The following CACNA1D variants were observed in gnomAD, a reference collection of about 807,000 sequenced individuals.
CACNA1D encodes calcium voltage-gated channel subunit alpha1 D.
CACNA1D carries 55 observed loss-of-function variants against 257.1 expected under a neutral mutation model. The ratio of observed to expected loss-of-function variants is 0.21; its 90% CI spans 0.17 to 0.27. CACNA1D has a LOEUF of 0.27. CACNA1D is among the 10% of genes least tolerant of loss of function. The probability of loss-of-function intolerance (pLI) is 1.00; values close to 1 mark genes in which losing one functional copy is unlikely to be tolerated. For synonymous variants in CACNA1D, 980 were observed against 1,014.9 expected (o/e 0.97, Z 0.65); for missense variants, 1,876 against 2,784.0 (o/e 0.67, Z 7.34).
At chr3:53,583,580 A>G (rs2093166554) in intron 3 of CACNA1D, among the ~76,000 whole-genome samples, 2 of 152,182 alleles carry the variant, frequency 1.3e-5, no homozygotes, top group Admixed American at 1.3e-4. Context: ...TGCTCATCTT[A>G]GGCAGTATAA....
chr3:53,583,840 C>T (rs1448591782), intron 3 of CACNA1D, among the ~76,000 whole-genome samples: 3 of 152,140 alleles, frequency 2.0e-5, no homozygotes, highest in Admixed American at 1.3e-4. Flanking sequence ...TGTTTTATAA[C>T]GTGGTGGGTG....
intron 9 of CACNA1D, among the ~76,000 whole-genome samples, chr3:53,709,020 G>A (rs780068647): frequency 2.6e-5 from 4 of 152,234 alleles, no homozygotes; most frequent in African/African-American, 7.2e-5. Flanking sequence ...TCTACAGCAC[G>A]TGGACCTCTA....
rs906617908 is a variant in CACNA1D at position 53,813,535 on chromosome 3, C to G, written c.*2129C>G. ...CAACATTATCCTGGACTCTGTGTCTCTCTCTGTTGGGTCTTGTGGCATCAC... is the reference window on the plus strand; with the variant it reads ...CAACATTATCCTGGACTCTGTGTCTGTCTCTGTTGGGTCTTGTGGCATCAC... On this transcript the variant is annotated 3_prime_UTR_variant, in exon 48 of 48. Transcript: ENST00000350061. 1.3e-5 allele frequency: 2 copies of G among 152,266 alleles called. No individual in the cohort carries two copies. Among genetic ancestry groups the G allele is most frequent in the African/African-American group, 4.8e-5 (2 of 41,466 alleles). The allele number at this position is 152,266 out of a possible 1,614,324, so 9.4% of individuals were successfully genotyped here. A position where few individuals can be genotyped will look rare whatever the true frequency, so the allele number is the denominator to read the frequency against.
At chr3:53,696,349 T>C (rs2108554892) in intron 8 of CACNA1D, among the ~76,000 whole-genome samples, 1 of 152,352 alleles carries the variant, frequency 6.6e-6, no homozygotes, top group South Asian at 2.1e-4. Context: ...AGGCATCGTG[T>C]TGAGGTGCTT....
intron 3 of CACNA1D, among the ~76,000 whole-genome samples, chr3:53,593,366 C>T (rs919248012): frequency 7.9e-5 from 12 of 152,060 alleles, no homozygotes; most frequent in Admixed American, 7.2e-4. Flanking sequence ...GAGTTTCTTC[C>T]CTGGGAATTG....
intron 3 of CACNA1D, among the ~76,000 whole-genome samples, chr3:53,614,394 T>C (rs2093615077): frequency 6.6e-6 from 1 of 152,074 alleles, no homozygotes; most frequent in East Asian, 1.9e-4. Context: ...GTGGGAGATA[T>C]CTCACTGGAG....
intron 3 of CACNA1D, among the ~76,000 whole-genome samples, chr3:53,516,348 CCTTT>C (rs1451635991): frequency 1.9e-4 from 29 of 152,354 alleles, no homozygotes; most frequent in African/African-American, 6.7e-4. Context: ...ATGATTGCTG[CCTTT>C]CTTTGCCTTA....
At position 53,598,419 on chromosome 3, in the gene CACNA1D, A is replaced by C. The variant is rs1025738844; in HGVS notation, c.484-52360A>C. On this transcript the variant is annotated intron_variant, in intron 3 of 47. Transcript: ENST00000350061. ...GGCACAACACCGTCTCTACTAAAAA[A>C]AAAAAAACCCAAAAATTAGTTTGGG... Among the ~76,000 whole-genome samples, 4 of 151,624 alleles carry C rather than the reference A, an allele frequency of 2.6e-5. No individual in the cohort carries two copies. The East Asian group carries it at 5.8e-4, about 22-fold the overall frequency.
chr3:53,519,102 A>G (rs917329822), intron 3 of CACNA1D, among the ~76,000 whole-genome samples: 14 of 152,210 alleles, frequency 9.2e-5, no homozygotes, highest in Non-Finnish European at 2.1e-4. Flanking sequence ...CTGGCAAGGC[A>G]CATTTTCCTG....
At chr3:53,741,420 C>T (rs2612028) in intron 21 of CACNA1D, among the ~76,000 whole-genome samples, 28,399 of 152,134 alleles carry the variant, frequency 0.19, 3,117 homozygotes, top group Middle Eastern at 0.26. Flanking sequence ...AAAATGAAAC[C>T]TCAATTAATA....
intron 10 of CACNA1D, 118 bp from the exon 11 acceptor site, chr3:53,719,637 C>T (rs2094859906): frequency 3.3e-6 from 3 of 917,910 alleles, no homozygotes; most frequent in Non-Finnish European, 5.5e-6. Context: ...CTGTGGTAAC[C>T]AGGGGTGCTA....
Position 53,742,995 on chromosome 3 carries a change from A to G in CACNA1D, c.2812-16A>G. ...GGAGACAAAAAATGGTAAATCATCC[A>G]TGATTCTGCTTCTAGATGACAACTT... On this transcript the variant is annotated splice_polypyrimidine_tract_variant and intron_variant, in intron 21 of 47. Coordinates refer to ENST00000350061, the MANE Select transcript of CACNA1D (RefSeq NM_001128840.3). 2 of 1,542,438 alleles carry G rather than the reference A, an allele frequency of 1.3e-6. No individual in the cohort carries two copies. The highest frequency in any genetic ancestry group is 2.2e-5 in the South Asian group (2 of 89,668).
rs184155610 is a variant in CACNA1D, at chr3:53,656,293, T to A, written c.624-3840T>A. ...TTTTGTTCCATATGAATTAAAAAAA[T>A]TTTTTTTCTAGTTATGTGAAGAATG... is the stretch of plus-strand genomic sequence containing the variant. On this transcript the variant is annotated intron_variant, in intron 4 of 47. Transcript: ENST00000350061. 6.5e-3 allele frequency among the ~76,000 whole-genome samples: 983 copies of A among 152,244 alleles called. 3 individuals are homozygous for A. The highest frequency in any genetic ancestry group is 0.011 in the Non-Finnish European group (764 of 67,998).
At chr3:53,726,564 G>T (rs2094936857) in intron 14 of CACNA1D, among the ~76,000 whole-genome samples, 1 of 152,194 alleles carries the variant, frequency 6.6e-6, no homozygotes, top group African/African-American at 2.4e-5. Flanking sequence ...TTGAACCGGG[G>T]AGGTGGAGGT....
intron 40 of CACNA1D, among the ~76,000 whole-genome samples, chr3:53,794,871 CA>C (rs2095500754): frequency 6.6e-6 from 1 of 152,214 alleles, no homozygotes; most frequent in South Asian, 2.1e-4. Context: ...TGGGATGCCC[CA>C]AGGTCCCCAG....
intron 9 of CACNA1D, among the ~76,000 whole-genome samples, chr3:53,717,444 T>G (rs1047383101): frequency 1.3e-4 from 20 of 152,298 alleles, no homozygotes; most frequent in African/African-American, 4.8e-4. Flanking sequence ...ATCAAGTGGA[T>G]GAGAAAAGAC....
In CACNA1D at chr3:53,700,528, T is replaced by C. The variant is rs144340518; in HGVS notation, c.1221-2113T>C. 7.1e-3 allele frequency among the ~76,000 whole-genome samples: 1,075 copies of C among 152,346 alleles called. 7 individuals carry two copies. Among genetic ancestry groups the C allele is most frequent in the Non-Finnish European group, 0.012 (849 of 68,038 alleles). ...GGTGAATTTACCTAGAGCTGAGTTA[T>C]GTATTTCCCATGTGTCAGGAAACCC... is the stretch of plus-strand genomic sequence containing the variant. On this transcript the variant is annotated intron_variant, in intron 8 of 47. Transcript: ENST00000350061.
chr3:53,629,808 G>T (rs3774491), intron 3 of CACNA1D, among the ~76,000 whole-genome samples: 1 of 152,030 alleles, frequency 6.6e-6, no homozygotes, highest in South Asian at 2.1e-4. Context: ...AATGGTAGCA[G>T]TTGGTACTAA....
chr3:53,685,136 G>T (rs2094463672), intron 8 of CACNA1D, among the ~76,000 whole-genome samples: 1 of 152,082 alleles, frequency 6.6e-6, no homozygotes, highest in Admixed American at 6.6e-5. Context: ...TAAAGACATG[G>T]ATTAAAAATA....
Sources: gnomAD v4.1 joint callset for allele counts (sites outside exome capture counted in the v4.1 genomes callset) on GRCh38, gnomAD v4.1.1 for gene constraint, MANE v1.5 for transcripts, NCBI Gene and HGNC (gene_info 2026-07-23, HGNC 2026-07-21) for gene names.